Variants in RBFOX1 observed in about 807,000 individuals in gnomAD.
The protein encoded by RBFOX1 is RNA binding protein fox-1 homolog 1.
In RBFOX1, 8 loss-of-function variants were observed where a neutral mutation model predicts 57.7. The ratio of observed to expected loss-of-function variants is 0.14; its 90% CI spans 0.08 to 0.25. RBFOX1 has a LOEUF of 0.25. RBFOX1 is among the 10% of genes least tolerant of loss of function. The pLI is 1.00. For missense variants in RBFOX1, 611 were observed against 548.5 expected (o/e 1.11, Z -1.14); for synonymous variants, 326 against 222.4 (o/e 1.47, Z -4.15).
rs576060854 is a variant in RBFOX1, at chr16:6,303,083, C to T, written c.-126-13912C>T. On this transcript the variant is annotated intron_variant, in intron 1 of 15. Coordinates refer to ENST00000550418, the MANE Select transcript of RBFOX1 (RefSeq NM_018723.4). ...ATAACTGCACCAAGTTTGCCTTGATCGTTTTACTATTTCCTTGAGATTACT... is the reference window on the plus strand; with the variant it reads ...ATAACTGCACCAAGTTTGCCTTGATTGTTTTACTATTTCCTTGAGATTACT... Among the ~76,000 whole-genome samples, 8 of 152,264 alleles carry T rather than the reference C, an allele frequency of 5.3e-5. No homozygotes were observed. The South Asian group carries it at 1.0e-3, about 20-fold the overall frequency.
intron 3 of RBFOX1, among the ~76,000 whole-genome samples, chr16:5,790,346 A>C (rs1343375057): frequency 1.3e-5 from 2 of 152,078 alleles, no homozygotes; most frequent in African/African-American, 2.4e-5. Flanking sequence ...AAACCCCTGC[A>C]TTTTCCATTG....
intron 4 of RBFOX1, among the ~76,000 whole-genome samples, chr16:7,489,452 T>A (rs909722054): frequency 6.6e-6 from 1 of 152,152 alleles, no homozygotes; most frequent in African/African-American, 2.4e-5. Context: ...TGTTGTAGCT[T>A]CTTTTGCTGT....
chr16:6,679,698 A>G (rs1204597254), intron 3 of RBFOX1, among the ~76,000 whole-genome samples: 1 of 152,162 alleles, frequency 6.6e-6, no homozygotes, highest in Non-Finnish European at 1.5e-5. Context: ...CCACCACACC[A>G]TACAAGAGTA....
At chr16:7,623,538 T>C (rs566797038) in intron 10 of RBFOX1, among the ~76,000 whole-genome samples, 1 of 152,182 alleles carries the variant, frequency 6.6e-6, no homozygotes, top group African/African-American at 2.4e-5. Context: ...TGCTTCCACT[T>C]ATCTGACAGG....
At chr16:7,480,556 G>A (rs918941685) in intron 4 of RBFOX1, among the ~76,000 whole-genome samples, 12 of 152,152 alleles carry the variant, frequency 7.9e-5, no homozygotes, top group African/African-American at 2.9e-4. Context: ...TGGGAAAGCT[G>A]CAAGCCCTGT....
At chr16:5,297,112 C>G (rs1194244383) in intron 1 of RBFOX1, among the ~76,000 whole-genome samples, 2 of 152,142 alleles carry the variant, frequency 1.3e-5, no homozygotes, top group Admixed American at 1.3e-4. Context: ...TTTTTAAAGG[C>G]TGAGTGGTAT....
intron 3 of RBFOX1, chr16:6,723,935 G>C (rs903716022): frequency 6.6e-6 from 1 of 152,180 alleles, no homozygotes; most frequent in African/African-American, 2.4e-5. Context: ...ATAGGAAGTT[G>C]GAAGTGGGCT....
At chr16:6,816,899 C>A (rs984505589) in intron 3 of RBFOX1, among the ~76,000 whole-genome samples, 6 of 151,930 alleles carry the variant, frequency 3.9e-5, no homozygotes, top group African/African-American at 1.2e-4. Context: ...TAAATACCAC[C>A]ATGCCTAGCT....
At chr16:6,719,938 C>A (rs192761578) in intron 3 of RBFOX1, among the ~76,000 whole-genome samples, 2 of 151,778 alleles carry the variant, frequency 1.3e-5, no homozygotes, top group African/African-American at 2.4e-5. Context: ...ACTAAAAATA[C>A]AAGAAATTAG....
chr16:5,356,486 G>C (rs182294865), intron 1 of RBFOX1, among the ~76,000 whole-genome samples: 28 of 152,282 alleles, frequency 1.8e-4, no homozygotes, highest in Admixed American at 1.6e-3. Context: ...AGGACCATTG[G>C]TTGCTTGTGC....
At chr16:7,216,741 A>C (rs2092118453) in intron 4 of RBFOX1, among the ~76,000 whole-genome samples, 1 of 152,188 alleles carries the variant, frequency 6.6e-6, no homozygotes, top group Admixed American at 6.5e-5. Context: ...GCACTCCAGA[A>C]GCCTGAGCTA....
intron 3 of RBFOX1, among the ~76,000 whole-genome samples, chr16:5,654,424 C>G (rs996417957): frequency 6.6e-6 from 1 of 152,124 alleles, no homozygotes; most frequent in Non-Finnish European, 1.5e-5. Context: ...AGGACTCCCC[C>G]CAACCTAAAG....
intron 2 of RBFOX1, among the ~76,000 whole-genome samples, chr16:6,634,492 A>G (rs998408284): frequency 6.7e-6 from 1 of 149,660 alleles, no homozygotes; most frequent in African/African-American, 2.4e-5. Flanking sequence ...ACATACTTAT[A>G]TAATATTATA....
At chr16:6,786,743 G>T (rs75599381) in intron 3 of RBFOX1, among the ~76,000 whole-genome samples, 3,209 of 152,162 alleles carry the variant, frequency 0.021, 125 homozygotes, top group African/African-American at 0.072. Context: ...TCCTTAAACA[G>T]TTGGAAATGA....
intron 3 of RBFOX1, among the ~76,000 whole-genome samples, chr16:6,720,865 CCT>C (rs2065856077): frequency 6.6e-6 from 1 of 152,056 alleles, no homozygotes; most frequent in African/African-American, 2.4e-5. Flanking sequence ...TGATTCATTC[CCT>C]CTCTTTGCAC....
At chr16:5,491,883 A>G (rs1025932078) in intron 2 of RBFOX1, among the ~76,000 whole-genome samples, 9 of 152,254 alleles carry the variant, frequency 5.9e-5, no homozygotes, top group Non-Finnish European at 1.2e-4. Context: ...ACAGACAAAC[A>G]TACAACAATG....
At chr16:5,693,541 G>A (rs2050758687) in intron 3 of RBFOX1, among the ~76,000 whole-genome samples, 1 of 152,088 alleles carries the variant, frequency 6.6e-6, no homozygotes, top group African/African-American at 2.4e-5. Flanking sequence ...TATATGTTGG[G>A]GGAAGGAGAA....
chr16:7,663,090 A>G (rs1000350453), intron 12 of RBFOX1, among the ~76,000 whole-genome samples: 4 of 152,218 alleles, frequency 2.6e-5, no homozygotes, highest in Non-Finnish European at 5.9e-5. Flanking sequence ...TGATATGGCT[A>G]AGTGATCAGT....
At chr16:6,941,342 C>CCTTT (rs2078473285) in intron 3 of RBFOX1, among the ~76,000 whole-genome samples, 1 of 142,124 alleles carries the variant, frequency 7.0e-6, no homozygotes, top group Non-Finnish European at 1.5e-5. Flanking sequence ...TTCCTTCCTT[C>CCTTT]CTTCCTTCCT....
Sources: gnomAD v4.1 joint callset for allele counts (sites outside exome capture counted in the v4.1 genomes callset) on GRCh38, gnomAD v4.1.1 for gene constraint, MANE v1.5 for transcripts, NCBI Gene and HGNC (gene_info 2026-07-23, HGNC 2026-07-21) for gene names.